The following EDIL3 variants were observed in gnomAD, a reference collection of about 807,000 sequenced individuals.
EDIL3 encodes EGF-like repeat and discoidin I-like domain-containing protein 3.
A neutral mutation model predicts 67.4 loss-of-function variants in EDIL3; 37 were observed. The observed-to-expected ratio is 0.55, with a 90% CI of 0.42 to 0.72. EDIL3 has a LOEUF of 0.72. EDIL3 is among the 30% of genes least tolerant of loss of function. EDIL3 has a pLI of 0.00. For missense variants in EDIL3, 527 were observed against 586.3 expected (o/e 0.90, Z 1.04); for synonymous variants, 195 against 196.3 (o/e 0.99, Z 0.05).
At chr5:84,115,540 T>A (rs1169189422) in intron 5 of EDIL3, among the ~76,000 whole-genome samples, 1 of 152,182 alleles carries the variant, frequency 6.6e-6, no homozygotes, top group African/African-American at 2.4e-5. Context: ...AAATTCTTAT[T>A]GAGATAATTC....
At chr5:84,105,373 T>C (rs1747440331) in intron 6 of EDIL3, among the ~76,000 whole-genome samples, 2 of 152,188 alleles carry the variant, frequency 1.3e-5, no homozygotes, top group South Asian at 2.1e-4. Flanking sequence ...GAAATGTTTA[T>C]GAGACATATA....
At chr5:84,027,757 G>GT (rs2112198938) in intron 9 of EDIL3, among the ~76,000 whole-genome samples, 1 of 152,048 alleles carries the variant, frequency 6.6e-6, no homozygotes, top group African/African-American at 2.4e-5. Flanking sequence ...AACTGATAGT[G>GT]TAATTAGTAT....
intron 1 of EDIL3, among the ~76,000 whole-genome samples, chr5:84,325,068 T>C (rs1167323807): frequency 6.6e-6 from 1 of 151,906 alleles, no homozygotes; most frequent in Non-Finnish European, 1.5e-5. Flanking sequence ...CAACATTGGA[T>C]TTGGCAGTGA....
Sources: gnomAD v4.1 joint callset for allele counts (sites outside exome capture counted in the v4.1 genomes callset) on GRCh38, gnomAD v4.1.1 for gene constraint, MANE v1.5 for transcripts, NCBI Gene and HGNC (gene_info 2026-07-23, HGNC 2026-07-21) for gene names.